Variants in RSPH14 observed in about 807,000 individuals in gnomAD.
RSPH14 encodes radial spoke head 14 homolog.
Under a neutral mutation model 26.7 loss-of-function variants are expected in RSPH14, and 20 were observed. That is an observed-to-expected ratio of 0.75 (90% CI 0.53 to 1.09). RSPH14 has a LOEUF of 1.09. Ranked by LOEUF, RSPH14 falls within the 50% of genes least tolerant of loss-of-function variation. The pLI is 0.00. For synonymous variants in RSPH14, 177 were observed against 189.3 expected (o/e 0.93, Z 0.53); for missense variants, 449 against 457.2 (o/e 0.98, Z 0.16).
chr22:23,151,319 A>G, the RSPH14 span, among the ~76,000 whole-genome samples: 1 of 152,224 alleles, frequency 6.6e-6, no homozygotes, highest in South Asian at 2.1e-4. Context: ...ACTGAGGATC[A>G]GAGGGTACCT....
At chr22:23,119,515 G>A (rs976360005) in intron 4 of RSPH14, among the ~76,000 whole-genome samples, 1 of 152,200 alleles carries the variant, frequency 6.6e-6, no homozygotes, top group African/African-American at 2.4e-5. Context: ...TCACTTGCTG[G>A]TCCATCAGCA....
At chr22:23,100,804 C>T (rs995144432) in intron 4 of RSPH14, among the ~76,000 whole-genome samples, 4 of 152,202 alleles carry the variant, frequency 2.6e-5, no homozygotes, top group African/African-American at 7.2e-5. Context: ...CTGGGACACT[C>T]AGCCCTTCCC....
chr22:23,112,536 G>A (rs1056652936), intron 4 of RSPH14, among the ~76,000 whole-genome samples: 10 of 152,170 alleles, frequency 6.6e-5, no homozygotes, highest in Non-Finnish European at 1.2e-4. Flanking sequence ...GCAGGAGGGC[G>A]AGATGGACAC....
the RSPH14 span, chr22:23,162,482 C>G: frequency 2.6e-6 from 1 of 384,344 alleles, no homozygotes; most frequent in African/African-American, 2.1e-5. Flanking sequence ...CTCTTAGGAC[C>G]TTTGTAATGG....
the RSPH14 span, chr22:23,161,447 T>C: frequency 1.4e-6 from 2 of 1,465,702 alleles, no homozygotes; most frequent in Non-Finnish European, 9.5e-7. Flanking sequence ...CCCTGCCCAG[T>C]GTCAGCTACA....
the RSPH14 span, chr22:23,158,192 T>A: frequency 6.7e-7 from 1 of 1,483,892 alleles, no homozygotes; most frequent in African/African-American, 1.4e-5. Context: ...ACGGACTACT[T>A]ACTGTCCAAC....
chr22:23,113,192 C>T (rs972607666), intron 4 of RSPH14, among the ~76,000 whole-genome samples: 4 of 152,180 alleles, frequency 2.6e-5, no homozygotes, highest in African/African-American at 7.2e-5. Context: ...AGTGTTCTGA[C>T]GTTGGCTAAA....
intron 4 of RSPH14, among the ~76,000 whole-genome samples, chr22:23,100,736 G>A (rs1366729405): frequency 1.3e-5 from 2 of 152,242 alleles, no homozygotes; most frequent in East Asian, 1.9e-4. Context: ...GCGGGCGGGA[G>A]GCGGTAGGCT....
chr22:23,080,577 C>A lies in RSPH14; in HGVS notation c.422-16444G>T, dbSNP rs1157793557. On this transcript the variant is annotated intron_variant, in intron 4 of 6. Transcript: ENST00000216036. ...CCTGTTTCTAAGGTGAGACCCGTTG[C>A]GGATCTGCAGGTGCAAGGCCCATCA... is the stretch of plus-strand genomic sequence containing the variant. 4.6e-5 allele frequency among the ~76,000 whole-genome samples: 7 copies of A among 152,180 alleles called. No homozygotes were observed. In the East Asian group the frequency reaches 7.7e-4, roughly 17 times the overall value.
rs145187796 is a variant in RSPH14 at position 23,105,224 on chromosome 22, T to C, written c.421+28802A>G. Among the ~76,000 whole-genome samples the C allele has an allele frequency of 3.2e-3, 487 of 152,360 alleles. 1 individual carries two copies. The highest frequency in any genetic ancestry group is 0.011 in the African/African-American group (464 of 41,580). ...CCAGGGGAGAAGCACAGCAGCATCC[T>C]GACCAAGGGGGCCCAGAGCCTCGAA... On this transcript the variant is annotated intron_variant, in intron 4 of 6. Coordinates refer to ENST00000216036, the MANE Select transcript of RSPH14 (RefSeq NM_014433.3).
chr22:23,097,293 C>A (rs888741362), intron 4 of RSPH14, among the ~76,000 whole-genome samples: 2 of 152,204 alleles, frequency 1.3e-5, no homozygotes, highest in African/African-American at 4.8e-5. Flanking sequence ...CCTCCGAGGT[C>A]ACTCCTTGCT....
At chr22:23,092,069 G>A (rs2146304937) in intron 4 of RSPH14, among the ~76,000 whole-genome samples, 1 of 152,304 alleles carries the variant, frequency 6.6e-6, no homozygotes, top group African/African-American at 2.4e-5. Context: ...GGGGTCCTGG[G>A]TGTTGAGCTC....
chr22:23,103,880 C>T (rs993128715), intron 4 of RSPH14, among the ~76,000 whole-genome samples: 16 of 152,208 alleles, frequency 1.1e-4, no homozygotes, highest in African/African-American at 3.6e-4. Context: ...CTGGCTTCCC[C>T]AGTGCCTACA....
At chr22:23,076,978 T>C (rs1469844392) in intron 4 of RSPH14, among the ~76,000 whole-genome samples, 1 of 152,182 alleles carries the variant, frequency 6.6e-6, no homozygotes, top group Non-Finnish European at 1.5e-5. Context: ...CTGGGTCAAG[T>C]GTACAGATAG....
At chr22:23,166,365 G>C in the RSPH14 span, among the ~76,000 whole-genome samples, 1 of 144,402 alleles carries the variant, frequency 6.9e-6, no homozygotes, top group Non-Finnish European at 1.5e-5. Context: ...AATATGGGGG[G>C]GTGGGGTGCA....
the RSPH14 span, chr22:23,180,195 A>T: frequency 1.3e-5 from 3 of 225,944 alleles, no homozygotes; most frequent in Non-Finnish European, 2.6e-5. Context: ...GCCGGAGGGG[A>T]GCCAAGTGTT....
chr22:23,128,187 T>G (rs2070230880), intron 4 of RSPH14, among the ~76,000 whole-genome samples: 1 of 152,184 alleles, frequency 6.6e-6, no homozygotes, highest in South Asian at 2.1e-4. Context: ...CAAAATCTGG[T>G]TAGAGAAGAA....
chr22:23,059,497 G>A lies in RSPH14; in HGVS notation c.1012C>T (p.Arg338Trp), dbSNP rs767247482. ...QVAEALQRAARIAISVIEFKP is the reference protein window; with the variant it reads ...QVAEALQRAAWIAISVIEFKP ...AACTCGATGACACTGATGGCGATCC[G>A]GGCTGCCCGCTGTAAGGCTTCGGCC... The change falls in exon 7 of 7, where the codon CGG becomes TGG. Residue 338 changes from arginine (R) to tryptophan (W), a missense_variant. By Grantham distance (101) the Arg-to-Trp change is moderately radical (BLOSUM62 -3). Coordinates refer to ENST00000216036, the MANE Select transcript of RSPH14 (RefSeq NM_014433.3). The A allele has an allele frequency of 2.8e-5, 45 of 1,613,524 alleles. No individual in the cohort carries two copies. The highest frequency in any genetic ancestry group is 3.1e-5 in the Non-Finnish European group (36 of 1,179,660).
At chr22:23,074,723 G>A (rs1171515428) in intron 4 of RSPH14, among the ~76,000 whole-genome samples, 1 of 152,230 alleles carries the variant, frequency 6.6e-6, no homozygotes, top group Non-Finnish European at 1.5e-5. Context: ...TGACGGGCAA[G>A]TGAGGTGGAA....
Sources: gnomAD v4.1 joint callset for allele counts (sites outside exome capture counted in the v4.1 genomes callset) on GRCh38, gnomAD v4.1.1 for gene constraint, MANE v1.5 for transcripts, NCBI Gene and HGNC (gene_info 2026-07-23, HGNC 2026-07-21) for gene names.